The following PDE1C variants were observed in gnomAD, a reference collection of about 807,000 sequenced individuals.
The protein encoded by PDE1C is phosphodiesterase 1C, also known as dual specificity calcium/calmodulin-dependent 3',5'-cyclic nucleotide phosphodiesterase 1C.
A neutral mutation model predicts 93.1 loss-of-function variants in PDE1C; 62 were observed. That is an observed-to-expected ratio of 0.67 (90% CI 0.54 to 0.82). The LOEUF is 0.82. Ranked by LOEUF, PDE1C falls within the 40% of genes least tolerant of loss-of-function variation. The probability of loss-of-function intolerance (pLI) is 0.00; values close to 1 mark genes in which losing one functional copy is unlikely to be tolerated. For synonymous variants in PDE1C, 325 were observed against 310.1 expected (o/e 1.05, Z -0.50); for missense variants, 742 against 884.6 (o/e 0.84, Z 2.04).
chr7:32,147,186 G>GA (rs200528546), intron 3 of PDE1C, among the ~76,000 whole-genome samples: 9 of 141,420 alleles, frequency 6.4e-5, no homozygotes, highest in African/African-American at 2.1e-4. Context: ...ATTGTTTTCA[G>GA]AAAAAAAAAG....
At chr7:32,079,200 G>A (rs1425146424) in intron 3 of PDE1C, among the ~76,000 whole-genome samples, 2 of 152,184 alleles carry the variant, frequency 1.3e-5, no homozygotes, top group Non-Finnish European at 1.5e-5. Context: ...CATTGGCTGA[G>A]TGCCTACTAT....
chr7:32,321,918 A>AT (rs1379355233), intron 1 of PDE1C, among the ~76,000 whole-genome samples: 1 of 152,240 alleles, frequency 6.6e-6, no homozygotes, highest in Non-Finnish European at 1.5e-5. Context: ...TTTTGCTCAC[A>AT]TAATTAGCAT....
rs140975048 is a variant in PDE1C at position 31,828,272 on chromosome 7, A to G, written c.1285+20T>C. On this transcript the variant is annotated intron_variant, in intron 12 of 17. Transcript: ENST00000396191. ...GCTTCCTGCTTTGGTGCTTCTATCC[A>G]AAGAGCTGCAAACACGTACCTACTT... 742 of 1,603,964 alleles carry G rather than the reference A, an allele frequency of 4.6e-4. 4 individuals carry two copies. The African/African-American group carries it at 6.0e-3, about 13-fold the overall frequency.
rs1584248946 is a variant in PDE1C at position 31,968,061 on chromosome 7, C to T, written c.128+83493G>A. On this transcript the variant is annotated intron_variant, in intron 2 of 17. Transcript: ENST00000396191. ...TGAAAACTGGCACAAGACAGGGATG[C>T]CCTCTCTCACCACTCCTATTCAACA... Among the ~76,000 whole-genome samples the T allele has an allele frequency of 2.6e-5, 4 of 152,248 alleles. No individual in the cohort carries two copies. In the South Asian group the frequency reaches 8.3e-4, roughly 32 times the overall value.
chr7:32,215,584 A>T (rs1256099727), intron 1 of PDE1C, among the ~76,000 whole-genome samples: 1 of 152,186 alleles, frequency 6.6e-6, no homozygotes, highest in Non-Finnish European at 1.5e-5. Flanking sequence ...ACAGGAAGAT[A>T]ACTTGGAGCA....
intron 1 of PDE1C, among the ~76,000 whole-genome samples, chr7:32,270,788 C>G (rs1265267630): frequency 6.6e-6 from 1 of 152,100 alleles, no homozygotes; most frequent in Non-Finnish European, 1.5e-5. Context: ...CATTTAGCAG[C>G]TTAACCACCT....
intron 3 of PDE1C, among the ~76,000 whole-genome samples, chr7:32,153,720 C>G (rs1243846308): frequency 2.0e-5 from 3 of 152,156 alleles, no homozygotes; most frequent in Non-Finnish European, 4.4e-5. Context: ...GCAAGATTTT[C>G]AAGTGGGAGA....
At chr7:32,377,905 A>G (rs914338231) in intron 1 of PDE1C, among the ~76,000 whole-genome samples, 1 of 152,196 alleles carries the variant, frequency 6.6e-6, no homozygotes, top group South Asian at 2.1e-4. Flanking sequence ...TTTTGTGTCA[A>G]TGGCCCATGG....
the PDE1C span, among the ~76,000 whole-genome samples, chr7:31,734,687 G>A: frequency 0.99 from 151,161 of 152,310 alleles, 75,016 homozygotes; most frequent in East Asian, 1. Flanking sequence ...CAGGAAATAA[G>A]GGCGGTGTTG....
At chr7:31,935,872 G>C (rs1804980614) in intron 2 of PDE1C, among the ~76,000 whole-genome samples, 1 of 152,144 alleles carries the variant, frequency 6.6e-6, no homozygotes, top group Admixed American at 6.6e-5. Flanking sequence ...AGTAGCAGCA[G>C]CCTCAGCAGT....
the PDE1C span, among the ~76,000 whole-genome samples, chr7:31,638,839 C>T: frequency 4.6e-5 from 7 of 152,164 alleles, no homozygotes; most frequent in African/African-American, 9.6e-5. Flanking sequence ...TGGAGTGACC[C>T]AATCTCAGCT....
chr7:31,896,192 G>A (rs1043764704), intron 2 of PDE1C, among the ~76,000 whole-genome samples: 7 of 152,106 alleles, frequency 4.6e-5, no homozygotes, highest in Non-Finnish European at 8.8e-5. Flanking sequence ...AGGGCATAGT[G>A]GAAGCAGAGA....
chr7:32,104,299 T>C (rs952649020), intron 3 of PDE1C, among the ~76,000 whole-genome samples: 2 of 152,168 alleles, frequency 1.3e-5, no homozygotes, highest in African/African-American at 4.8e-5. Context: ...AAAAGTGCAG[T>C]TGGCATAAGA....
intron 16 of PDE1C, among the ~76,000 whole-genome samples, chr7:31,800,148 C>G (rs1785819003): frequency 6.6e-6 from 1 of 151,406 alleles, no homozygotes; most frequent in Admixed American, 6.6e-5. Flanking sequence ...TACTGAGTAT[C>G]TATATTTAAT....
chr7:32,210,573 GGTAA>G (rs1225595438), intron 1 of PDE1C, among the ~76,000 whole-genome samples: 2 of 152,074 alleles, frequency 1.3e-5, no homozygotes, highest in Non-Finnish European at 2.9e-5. Context: ...CTCTCACAAA[GGTAA>G]GTATTTTAAA....
chr7:31,893,683 T>C (rs1798918017), intron 2 of PDE1C, among the ~76,000 whole-genome samples: 1 of 152,204 alleles, frequency 6.6e-6, no homozygotes, highest in Admixed American at 6.5e-5. Context: ...AATCCTCCTC[T>C]GTTAGCTATT....
At position 32,130,991 on chromosome 7, in the gene PDE1C, A is replaced by G. The variant is rs78923412; in HGVS notation, c.308+38794T>C. On this transcript the variant is annotated intron_variant, in intron 3 of 18. Coordinates refer to the PDE1C transcript ENST00000396193. Reference sequence around the variant, plus strand: ...CTACACCCTGTTTCATGTTCCCTTTAGGTCCCTTCAAGTTAAGGAGGTCAG... The same window carrying G: ...CTACACCCTGTTTCATGTTCCCTTTGGGTCCCTTCAAGTTAAGGAGGTCAG... Among the ~76,000 whole-genome samples, 72 of 152,180 alleles carry G rather than the reference A, an allele frequency of 4.7e-4. No individual in the cohort carries two copies. In the East Asian group the frequency reaches 0.011, roughly 24 times the overall value.
intron 1 of PDE1C, among the ~76,000 whole-genome samples, chr7:32,405,032 T>C (rs962300457): frequency 6.6e-6 from 1 of 152,160 alleles, no homozygotes; most frequent in African/African-American, 2.4e-5. Context: ...GTGTGGAGCC[T>C]GGGTTGAGGA....
Position 31,752,278 on chromosome 7 carries a change from T to C in PDE1C, c.*1106A>G, listed in dbSNP as rs1214983137. On this transcript the variant is annotated 3_prime_UTR_variant, in exon 18 of 18. Coordinates refer to ENST00000396191, the MANE Select transcript of PDE1C (RefSeq NM_001191057.4). ...TTCCTTGCTACTTCTGTGATTTTAG[T>C]CCTGAATTAAAAATCCTAGGGAGAG... 1 of 152,074 alleles carries C rather than the reference T, an allele frequency of 6.6e-6. No individual in the cohort carries two copies. The highest frequency in any genetic ancestry group is 1.5e-5 in the Non-Finnish European group (1 of 68,014). 9.4% of individuals were successfully genotyped at this position (152,074 alleles called of 1,614,324 possible).
Sources: gnomAD v4.1 joint callset for allele counts (sites outside exome capture counted in the v4.1 genomes callset) on GRCh38, gnomAD v4.1.1 for gene constraint, MANE v1.5 for transcripts, NCBI Gene and HGNC (gene_info 2026-07-23, HGNC 2026-07-21) for gene names.